CLIC5: variants seen among roughly 807,000 people sequenced by gnomAD.
CLIC5 encodes the protein CLIC family member 5.
CLIC5 carries 20 observed loss-of-function variants against 24.7 expected under a neutral mutation model. The observed-to-expected ratio is 0.81, with a 90% confidence interval of 0.57 to 1.18. The LOEUF (loss-of-function observed/expected upper bound fraction) is 1.18, where lower values mean the gene tolerates loss of function less well. CLIC5 is among the 50% of genes most tolerant of loss of function. The probability of loss-of-function intolerance (pLI) is 0.00; values close to 1 mark genes in which losing one functional copy is unlikely to be tolerated. For synonymous variants in CLIC5, 159 were observed against 135.6 expected (o/e 1.17, Z -1.20); for missense variants, 341 against 326.1 (o/e 1.05, Z -0.35).
intron 1 of CLIC5, among the ~76,000 whole-genome samples, chr6:46,032,981 A>ATT (rs35845581): frequency 4.7e-3 from 369 of 79,016 alleles, no homozygotes; most frequent in East Asian, 9.6e-3. Flanking sequence ...GGAAATCTAC[A>ATT]TTTTTTTTTT....
chr6:46,070,725 A>G (rs1031054641), intron 1 of CLIC5, among the ~76,000 whole-genome samples: 6 of 152,138 alleles, frequency 3.9e-5, no homozygotes, highest in African/African-American at 1.4e-4. Flanking sequence ...AAAAAGAACT[A>G]TTTAAAAATT....
chr6:45,963,869 T>C (rs1383966091), intron 1 of CLIC5, among the ~76,000 whole-genome samples: 1 of 152,180 alleles, frequency 6.6e-6, no homozygotes, highest in Admixed American at 6.5e-5. Context: ...TATGCCTTGT[T>C]ATTACTATTT....
intron 1 of CLIC5, among the ~76,000 whole-genome samples, chr6:45,990,979 G>A (rs148329155): frequency 1.0e-3 from 157 of 152,288 alleles, no homozygotes; most frequent in Non-Finnish European, 1.7e-3. Context: ...TCCATGTGAG[G>A]ATTAGATGAA....
intron 1 of CLIC5, among the ~76,000 whole-genome samples, chr6:46,057,340 T>C (rs1768287514): frequency 6.6e-6 from 1 of 152,216 alleles, no homozygotes; most frequent in African/African-American, 2.4e-5. Context: ...CTGCTTTTGC[T>C]TCTTCCTCAT....
chr6:46,076,450 G>A (rs113575949), intron 1 of CLIC5, among the ~76,000 whole-genome samples: 1 of 152,198 alleles, frequency 6.6e-6, no homozygotes, highest in African/African-American at 2.4e-5. Flanking sequence ...TTCCTTACAA[G>A]AGAAATGCAA....
upstream of CLIC5, among the ~76,000 whole-genome samples, chr6:46,018,081 A>G (rs1355584113): frequency 6.6e-6 from 1 of 152,210 alleles, no homozygotes; most frequent in African/African-American, 2.4e-5. Context: ...TTAGGGAAGG[A>G]CCAAGGTTAC....
intron 1 of CLIC5, among the ~76,000 whole-genome samples, chr6:46,058,604 T>C (rs915621964): frequency 1.3e-5 from 2 of 152,260 alleles, no homozygotes; most frequent in African/African-American, 4.8e-5. Flanking sequence ...GGGCACAATC[T>C]GGAGGGACCT....
intron 2 of CLIC5, among the ~76,000 whole-genome samples, chr6:45,951,290 G>A (rs942357749): frequency 1.3e-5 from 2 of 152,182 alleles, no homozygotes; most frequent in Non-Finnish European, 2.9e-5. Flanking sequence ...TGAAAGAAAG[G>A]CCTAGATGAT....
At chr6:45,988,033 A>G (rs1270188661) in intron 1 of CLIC5, among the ~76,000 whole-genome samples, 1 of 152,192 alleles carries the variant, frequency 6.6e-6, no homozygotes, top group Non-Finnish European at 1.5e-5. Context: ...TCTAAAGTCT[A>G]AAGTCCAAAG....
chr6:46,028,789 A>G (rs1202200995), intron 1 of CLIC5, among the ~76,000 whole-genome samples: 2 of 152,192 alleles, frequency 1.3e-5, no homozygotes, highest in Non-Finnish European at 2.9e-5. Context: ...ACAACTGACA[A>G]ACCTACATAG....
chr6:45,924,914 A>T (rs984091835), intron 4 of CLIC5, among the ~76,000 whole-genome samples: 1 of 152,208 alleles, frequency 6.6e-6, no homozygotes, highest in Non-Finnish European at 1.5e-5. Flanking sequence ...TCTGGGAAAG[A>T]TAAGATAGAT....
the CLIC5 span, among the ~76,000 whole-genome samples, chr6:46,087,158 C>T: frequency 6.6e-6 from 1 of 152,170 alleles, no homozygotes; most frequent in Non-Finnish European, 1.5e-5. Flanking sequence ...TTGGTTGGCC[C>T]ACCTCAGTGC....
At chr6:46,028,898 T>C (rs1767419508) in intron 1 of CLIC5, among the ~76,000 whole-genome samples, 1 of 152,204 alleles carries the variant, frequency 6.6e-6, no homozygotes, top group Admixed American at 6.5e-5. Flanking sequence ...TATAATAACA[T>C]GTGTCTATCA....
At chr6:46,029,478 T>C (rs796152013) in intron 1 of CLIC5, among the ~76,000 whole-genome samples, 2 of 152,310 alleles carry the variant, frequency 1.3e-5, no homozygotes, top group Admixed American at 6.5e-5. Flanking sequence ...AACTAGAAAG[T>C]GGAAGAGCCA....
intron 1 of CLIC5, among the ~76,000 whole-genome samples, chr6:46,065,582 C>G (rs1406066659): frequency 6.6e-6 from 1 of 152,056 alleles, no homozygotes; most frequent in Non-Finnish European, 1.5e-5. Flanking sequence ...TGGAATACAA[C>G]TCAGTAATAA....
downstream of CLIC5, among the ~76,000 whole-genome samples, chr6:45,895,612 T>A (rs1311855841): frequency 6.6e-6 from 1 of 152,168 alleles, no homozygotes; most frequent in Non-Finnish European, 1.5e-5. Flanking sequence ...TGTCTCATGA[T>A]CTCTCCAGTC....
intron 6 of CLIC5, among the ~76,000 whole-genome samples, chr6:45,884,451 AG>A (rs1462922258): frequency 3.9e-5 from 6 of 152,190 alleles, no homozygotes; most frequent in Non-Finnish European, 8.8e-5. Context: ...ACTTGGAAGA[AG>A]GGGGCAGCGG....
At chr6:46,026,923 T>C (rs1293464149) in intron 1 of CLIC5, among the ~76,000 whole-genome samples, 1 of 152,172 alleles carries the variant, frequency 6.6e-6, no homozygotes, top group East Asian at 1.9e-4. Flanking sequence ...GAAGATGAGA[T>C]AGCACCAACT....
At chr6:45,911,250 T>G (rs1327895234) in intron 5 of CLIC5, among the ~76,000 whole-genome samples, 2 of 152,198 alleles carry the variant, frequency 1.3e-5, no homozygotes, top group South Asian at 2.1e-4. Flanking sequence ...CTTCCTTAAA[T>G]TCTCTCTGTT....
Sources: gnomAD v4.1 joint callset for allele counts (sites outside exome capture counted in the v4.1 genomes callset) on GRCh38, gnomAD v4.1.1 for gene constraint, MANE v1.5 for transcripts, NCBI Gene and HGNC (gene_info 2026-07-23, HGNC 2026-07-21) for gene names.